The following KATNB1 variants were observed in gnomAD, a reference collection of about 807,000 sequenced individuals.
KATNB1 encodes katanin regulatory subunit B1, also known as katanin p80 WD40 repeat-containing subunit B1.
A neutral mutation model predicts 82.3 loss-of-function variants in KATNB1; 38 were observed. The ratio of observed to expected loss-of-function variants is 0.46; its 90% CI spans 0.36 to 0.61. KATNB1 has a LOEUF of 0.61. Ranked by LOEUF, KATNB1 falls within the 20% of genes least tolerant of loss-of-function variation. The pLI is 0.00. For synonymous variants in KATNB1, 361 were observed against 368.7 expected (o/e 0.98, Z 0.24); for missense variants, 749 against 915.7 (o/e 0.82, Z 2.35).
At chr16:57,744,544 C>T (rs781933257) in intron 4 of KATNB1, 33 bp downstream of exon 4, 5 of 1,519,422 alleles carry the variant, frequency 3.3e-6, no homozygotes, top group East Asian at 2.2e-5. Context: ...TGTGCACGCA[C>T]ACCTGCCTTA....
intron 12 of KATNB1, 73 bp from the exon 13 acceptor site, chr16:57,753,872 C>A: frequency 1.4e-6 from 2 of 1,458,516 alleles, no homozygotes; most frequent in Non-Finnish European, 1.9e-6. Flanking sequence ...GTCCCCCGCA[C>A]TCTGGACAGG....
rs201835349 is a variant in KATNB1, at chr16:57,751,270, A to G, written c.400A>G (p.Ile134Val). Reference sequence around the variant, plus strand: ...TCTCTCTCCCCCACAGCTCTGGGACATCAGGAGGAAAGGCTGTGTCTTCCG... The same window carrying G: ...TCTCTCTCCCCCACAGCTCTGGGACGTCAGGAGGAAAGGCTGTGTCTTCCG... Reference protein sequence around the residue: ...SQDTNIKLWDIRRKGCVFRYR... With the variant: ...SQDTNIKLWDVRRKGCVFRYR... Residue 134 changes from isoleucine (I) to valine (V), a missense_variant, in exon 6 of 20, where the codon ATC becomes GTC. This residue lies in a region of KATNB1 where 247 missense variants were observed against 349.4 expected (regional missense o/e 0.71). Transcript: ENST00000379661. The surrounding 1 kb of genome is among the most constrained non-coding windows in gnomAD (Gnocchi z 6.3). 10 of 1,613,874 alleles carry G rather than the reference A, an allele frequency of 6.2e-6. No individual in the cohort carries two copies. The highest frequency in any genetic ancestry group is 8.5e-6 in the Non-Finnish European group (10 of 1,179,878).
At position 57,752,548 on chromosome 16, in the gene KATNB1, C is replaced by T. The variant is rs1555583691; in HGVS notation, c.651C>T (p.Asp217=). The T allele has an allele frequency of 6.4e-7, 1 of 1,568,038 alleles. No homozygotes were observed. Among genetic ancestry groups the T allele is most frequent in the Non-Finnish European group, 8.6e-7 (1 of 1,156,220 alleles). The change falls in exon 9 of 20, where the codon GAC becomes GAT. Residue 217 remains aspartate (D), a synonymous_variant. Coordinates refer to ENST00000379661, the MANE Select transcript of KATNB1 (RefSeq NM_005886.3). ...GSSDRTIRFW[D]LEKFQVVSCI... is the part of the protein sequence containing the mutation. The stretch of plus-strand genomic sequence containing the variant: ...TTTGCAGGACAATCCGCTTCTGGGA[C>T]CTGGAGAAGTTCCAGGTGGTGAGCT...
In KATNB1 at chr16:57,750,938, G is replaced by T; in HGVS notation, c.390+11G>T. On this transcript the variant is annotated intron_variant, in intron 5 of 19. Coordinates refer to ENST00000379661, the MANE Select transcript of KATNB1 (RefSeq NM_005886.3). ...GACACAAACATCAAGGTGAGAGGCC[G>T]GTCCGTGCCCCGTGTCTCCTGCTGG... The T allele has an allele frequency of 6.2e-7, 1 of 1,606,238 alleles. No homozygotes were observed. The highest frequency in any genetic ancestry group is 8.5e-7 in the Non-Finnish European group (1 of 1,173,036).
rs552068413 is a variant in KATNB1 at position 57,753,531 on chromosome 16, C to A, written c.1177+12C>A. On this transcript the variant is annotated intron_variant, in intron 12 of 19. Transcript: ENST00000379661. ...CAAGAACAGCATCAGTGAGGCCGGG[C>A]TCCCGCCCCCAGCCCAGCGTCCCCA... The A allele has an allele frequency of 2.5e-6, 4 of 1,611,990 alleles. No homozygotes were observed. The highest frequency in any genetic ancestry group is 3.4e-6 in the Non-Finnish European group (4 of 1,179,368).
rs1405675359 is a variant in KATNB1 at position 57,737,029 on chromosome 16, G to A, written c.-215G>A. ...GCCTAACATTCCATGATCCAGGATC[G>A]TGACAGATGTGCACAGGCTGCTGCT... is the stretch of plus-strand genomic sequence containing the variant. On this transcript the variant is annotated 5_prime_UTR_variant, in exon 2 of 20. It adds an upstream start codon to the 5' untranslated region. Transcript: ENST00000379661. 4 of 702,444 alleles carry A rather than the reference G, an allele frequency of 5.7e-6. No individual in the cohort carries two copies. Among genetic ancestry groups the A allele is most frequent in the South Asian group, 1.5e-5 (1 of 66,798 alleles). The allele number at this position is 702,444 out of a possible 1,614,324, so 43.5% of individuals were successfully genotyped here.
chr16:57,753,655 C>A, intron 12 of KATNB1, 136 bp downstream of exon 12: 1 of 1,204,394 alleles, frequency 8.3e-7, no homozygotes, highest in South Asian at 1.5e-5. Flanking sequence ...CGTATCCTGT[C>A]CTCACGTTCC....
rs1555584459 is a variant in KATNB1 at position 57,753,504 on chromosome 16, C to T, written c.1162C>T (p.Pro388Ser). Reference protein sequence around the residue: ...NAEDYNEIFQPKNSISRTPPR... With the variant: ...NAEDYNEIFQSKNSISRTPPR... ...CGAGGACTACAACGAGATCTTCCAG[C>T]CCAAGAACAGCATCAGTGAGGCCGG... Residue 388 changes from proline (P) to serine (S), a missense_variant, in exon 12 of 20, where the codon CCC (proline) becomes TCC (serine). Pro to Ser is a moderately conservative substitution (Grantham distance 74). Around this residue, in one of 3 missense-constraint regions of KATNB1, gnomAD observed 407 missense variants for 434.7 expected, o/e 0.94. Transcript: ENST00000379661. 6.2e-7 allele frequency: 1 copy of T among 1,613,156 alleles called. No individual in the cohort carries two copies. The highest frequency in any genetic ancestry group is 1.7e-5 in the Admixed American group (1 of 60,022).
chr16:57,755,044 A>G (rs1555585172), intron 14 of KATNB1, 47 bp downstream of exon 14: 1 of 1,613,560 alleles, frequency 6.2e-7, no homozygotes, highest in South Asian at 1.1e-5. Context: ...GAAGGTCCTG[A>G]CCCAGGGTTG....
At chr16:57,744,351 G>T (rs782786995) in intron 3 of KATNB1, 43 bp from the exon 4 acceptor site, 4 of 1,506,554 alleles carry the variant, frequency 2.7e-6, no homozygotes, top group Non-Finnish European at 3.7e-6. Flanking sequence ...AACTGCAGGG[G>T]TCTGTCCAGC....
chr16:57,756,287 T>G, intron 18 of KATNB1, 69 bp from the exon 19 acceptor site: 1 of 1,402,306 alleles, frequency 7.1e-7, no homozygotes, highest in Non-Finnish European at 1.0e-6. Context: ...TCCTCCTTTG[T>G]TCCTTGCTGT....
intron 2 of KATNB1, among the ~76,000 whole-genome samples, chr16:57,738,636 G>A (rs1362367860): frequency 6.6e-6 from 1 of 152,186 alleles, no homozygotes; most frequent in African/African-American, 2.4e-5. Flanking sequence ...TTCCTTGTTT[G>A]TAAAGTGAGA....
chr16:57,755,595 A>AC, intron 16 of KATNB1, 101 bp downstream of exon 16: 3 of 1,465,260 alleles, frequency 2.0e-6, no homozygotes, highest in Non-Finnish European at 2.8e-6. Context: ...CCCATGGGGG[A>AC]CAGTGTGGGA....
chr16:57,748,223 G>C (rs1183103350), intron 4 of KATNB1, among the ~76,000 whole-genome samples: 1 of 152,146 alleles, frequency 6.6e-6, no homozygotes, highest in African/African-American at 2.4e-5. Flanking sequence ...CTTGCCATCA[G>C]CACAGCAGGT....
At chr16:57,756,280 T>C in intron 18 of KATNB1, 76 bp from the exon 19 acceptor site, 1 of 1,356,228 alleles carries the variant, frequency 7.4e-7, no homozygotes, top group South Asian at 1.2e-5. Flanking sequence ...GCCCCTCTCC[T>C]CCTTTGTTCC....
At chr16:57,747,440 G>A (rs1479586160) in intron 4 of KATNB1, among the ~76,000 whole-genome samples, 2 of 152,238 alleles carry the variant, frequency 1.3e-5, no homozygotes, top group African/African-American at 4.8e-5. Context: ...GGAACAGTGG[G>A]CTCTCTGTGT....
At chr16:57,740,887 G>T (rs563927878) in intron 2 of KATNB1, among the ~76,000 whole-genome samples, 2 of 152,160 alleles carry the variant, frequency 1.3e-5, no homozygotes, top group African/African-American at 4.8e-5. Flanking sequence ...CTCTCTCATG[G>T]TGACTAGCCC....
chr16:57,753,130 G>A lies in KATNB1; in HGVS notation c.909G>A (p.Thr303=), dbSNP rs1395701718. The change falls in exon 11 of 20, where the codon ACG becomes ACA. Residue 303 remains threonine, a synonymous_variant. Coordinates refer to ENST00000379661, the MANE Select transcript of KATNB1 (RefSeq NM_005886.3). ...SNVSSYVVDL[T]RVTRTGTVAR... ...TCTCCTCCTACGTGGTGGATCTGAC[G>A]CGTGTCACCAGGACTGGCACGGTGG... The A allele has an allele frequency of 1.3e-5, 21 of 1,611,056 alleles. No homozygotes were observed. Among genetic ancestry groups the A allele is most frequent in the Middle Eastern group, 1.6e-4 (1 of 6,080 alleles).
intron 19 of KATNB1, 166 bp downstream of exon 19, chr16:57,756,638 G>T: frequency 8.1e-7 from 1 of 1,235,784 alleles, no homozygotes; most frequent in Admixed American, 2.8e-5. Flanking sequence ...CCAGAGCTGG[G>T]TTCCTCCATG....
Sources: gnomAD v4.1 joint callset for allele counts (sites outside exome capture counted in the v4.1 genomes callset) on GRCh38, gnomAD v4.1.1 for gene constraint, gnomAD v4.1.1 regional missense constraint, Gnocchi (gnomAD v3.1) non-coding constraint, MANE v1.5 for transcripts, NCBI Gene and HGNC (gene_info 2026-07-23, HGNC 2026-07-21) for gene names.